PTER: variants seen among roughly 807,000 people sequenced by gnomAD.
PTER encodes phosphotriesterase related.
PTER carries 38 observed loss-of-function variants against 29.6 expected under a neutral mutation model. The ratio of observed to expected loss-of-function variants is 1.28; its 90% CI spans 0.99 to 1.68. The LOEUF is 1.68. Among genes scored for constraint, PTER ranks in the 40% most tolerant of loss-of-function variants. The pLI is 0.00. For synonymous variants in PTER, 172 were observed against 154.5 expected, an observed-to-expected ratio of 1.11 and a Z score of -0.84; for missense variants, 482 against 427.8, an observed-to-expected ratio of 1.13 and a Z score of -1.12.
At chr10:16,463,413 T>C (rs1354673906) in intron 1 of PTER, among the ~76,000 whole-genome samples, 2 of 152,128 alleles carry the variant, frequency 1.3e-5, no homozygotes, top group African/African-American at 2.4e-5. Context: ...ATATTTTCTT[T>C]TTTTTGTTGT....
chr10:16,448,045 A>G (rs1411070963), intron 1 of PTER, among the ~76,000 whole-genome samples: 1 of 152,216 alleles, frequency 6.6e-6, no homozygotes, highest in Non-Finnish European at 1.5e-5. Context: ...TAAGCAGTTC[A>G]GGTCACATGG....
intron 1 of PTER, among the ~76,000 whole-genome samples, chr10:16,453,158 C>A (rs1834274950): frequency 6.6e-6 from 1 of 152,084 alleles, no homozygotes; most frequent in African/African-American, 2.4e-5. Context: ...TCAAGTGATT[C>A]TTCGGCCTCA....
At chr10:16,478,853 C>T (rs1387962703) in intron 1 of PTER, among the ~76,000 whole-genome samples, 1 of 152,008 alleles carries the variant, frequency 6.6e-6, no homozygotes, top group African/African-American at 2.4e-5. Context: ...TCTGGGTTTT[C>T]AAATGGCTTC....
chr10:16,470,551 T>G (rs1276937709), intron 1 of PTER, among the ~76,000 whole-genome samples: 1 of 152,170 alleles, frequency 6.6e-6, no homozygotes, highest in Admixed American at 6.5e-5. Context: ...GCAGATCACT[T>G]GAGGTCAGGA....
intron 1 of PTER, among the ~76,000 whole-genome samples, chr10:16,452,545 A>G (rs1037170184): frequency 7.9e-5 from 12 of 151,802 alleles, no homozygotes; most frequent in African/African-American, 2.4e-4. Flanking sequence ...CAAGCACTCC[A>G]TCTGTCTAAG....
rs779482883 is a variant in PTER at position 16,484,574 on chromosome 10, G to A, written c.190G>A (p.Ala64Thr). ...MKNLYWIQKN[A>T]YSHKENLQLN... ...AAATTTATATTGGATTCAGAAAAACGCCTATTCCCATAAAGAAAACCTTCA... is the reference window on the plus strand; with the variant it reads ...AAATTTATATTGGATTCAGAAAAACACCTATTCCCATAAAGAAAACCTTCA... The change falls in exon 2 of 5, where the codon GCC becomes ACC. Residue 64 changes from alanine (A) to threonine (T), a missense_variant. Transcript: ENST00000535784. 9.3e-6 allele frequency: 15 copies of A among 1,613,960 alleles called. No homozygotes were observed. The highest frequency in any genetic ancestry group is 6.6e-5 in the South Asian group (6 of 91,066).
chr10:16,439,081 G>C (rs1475393391), intron 1 of PTER, among the ~76,000 whole-genome samples: 1 of 152,086 alleles, frequency 6.6e-6, no homozygotes, highest in East Asian at 1.9e-4. Context: ...TAGATTGAGA[G>C]GGTCTTCCAG....
At chr10:16,500,340 C>T (rs1836286664) in intron 3 of PTER, among the ~76,000 whole-genome samples, 2 of 152,022 alleles carry the variant, frequency 1.3e-5, no homozygotes, top group Non-Finnish European at 1.5e-5. Flanking sequence ...GCCTCAAACT[C>T]TTGGGCTCAA....
chr10:16,462,920 G>A (rs1033175932), intron 1 of PTER, among the ~76,000 whole-genome samples: 3 of 151,696 alleles, frequency 2.0e-5, no homozygotes, highest in Admixed American at 6.6e-5. Context: ...GCTGCCGGGC[G>A]TGGTGAGTCA....
intron 1 of PTER, among the ~76,000 whole-genome samples, chr10:16,454,445 GCA>G (rs1441933291): frequency 6.6e-6 from 1 of 151,812 alleles, no homozygotes; most frequent in Non-Finnish European, 1.5e-5. Context: ...GCGTGGTGGT[GCA>G]CACCTGTAAT....
intron 1 of PTER, among the ~76,000 whole-genome samples, chr10:16,481,084 T>TA (rs1239379897): frequency 6.6e-6 from 1 of 152,224 alleles, no homozygotes; most frequent in Admixed American, 6.5e-5. Flanking sequence ...GCTGTAATAG[T>TA]AATTGCAGTC....
intron 1 of PTER, among the ~76,000 whole-genome samples, chr10:16,440,578 G>C (rs1280354802): frequency 6.6e-6 from 1 of 152,192 alleles, no homozygotes; most frequent in Non-Finnish European, 1.5e-5. Context: ...TCTCCTTCCA[G>C]GCAGGTATGT....
chr10:16,507,893 C>T (rs1343652040), intron 4 of PTER, among the ~76,000 whole-genome samples: 2 of 152,192 alleles, frequency 1.3e-5, no homozygotes, highest in Non-Finnish European at 2.9e-5. Flanking sequence ...AACCTGTTCC[C>T]CTAAAGCCCT....
At chr10:16,501,361 A>G (rs775701926) in intron 3 of PTER, among the ~76,000 whole-genome samples, 7 of 80,084 alleles carry the variant, frequency 8.7e-5, no homozygotes, top group Admixed American at 5.4e-4. Context: ...ACACACACAC[A>G]CACACACATG....
chr10:16,452,886 G>A (rs1202610301), intron 1 of PTER, among the ~76,000 whole-genome samples: 1 of 152,088 alleles, frequency 6.6e-6, no homozygotes, highest in Non-Finnish European at 1.5e-5. Context: ...CCAAGTGGGT[G>A]GGATTACAGG....
At chr10:16,507,016 G>A (rs1479372105) in intron 4 of PTER, among the ~76,000 whole-genome samples, 2 of 151,704 alleles carry the variant, frequency 1.3e-5, no homozygotes. Flanking sequence ...CAGAAAATGG[G>A]AACAGTTCAA....
At chr10:16,457,494 T>C (rs1276547368) in intron 1 of PTER, among the ~76,000 whole-genome samples, 2 of 152,232 alleles carry the variant, frequency 1.3e-5, no homozygotes, top group Non-Finnish European at 2.9e-5. Context: ...ATTACAGGCA[T>C]GAGCCACTGT....
At chr10:16,445,966 T>C (rs1833998760) in intron 1 of PTER, among the ~76,000 whole-genome samples, 1 of 152,166 alleles carries the variant, frequency 6.6e-6, no homozygotes, top group Non-Finnish European at 1.5e-5. Flanking sequence ...GCATAGATGA[T>C]TCCCTTTTGC....
In PTER at chr10:16,502,312, A is replaced by G. The variant is rs558914722; in HGVS notation, c.699-2708A>G. 2.3e-3 allele frequency among the ~76,000 whole-genome samples: 357 copies of G among 152,238 alleles called. 3 individuals carry two copies. The highest frequency in any genetic ancestry group is 0.01 in the Middle Eastern group (3 of 294). ...CGCTTACATTACTTTAATTGTGTAT[A>G]TTTTGTTTTTTTCAAGTATGGTTCT... is the stretch of plus-strand genomic sequence containing the variant. On this transcript the variant is annotated intron_variant, in intron 3 of 4. Coordinates refer to ENST00000535784, the MANE Select transcript of PTER (RefSeq NM_001261836.2).
Sources: allele counts gnomAD v4.1 joint callset (sites outside exome capture counted in the v4.1 genomes callset), GRCh38; gene constraint gnomAD v4.1.1; transcripts MANE v1.5; gene names NCBI Gene and HGNC (gene_info 2026-07-23, HGNC 2026-07-21).